PHACTR3: variants seen among roughly 807,000 people sequenced by gnomAD.
PHACTR3 encodes the protein protein phosphatase 1, regulatory subunit 123.
A neutral mutation model predicts 66.8 loss-of-function variants in PHACTR3; 16 were observed. The ratio of observed to expected loss-of-function variants is 0.24; its 90% CI spans 0.16 to 0.36. PHACTR3 has a LOEUF of 0.36. Among genes scored for constraint, PHACTR3 ranks in the 10% least tolerant of loss-of-function variants. The pLI is 1.00. For missense variants in PHACTR3, 647 were observed against 719.9 expected (o/e 0.90, Z 1.16); for synonymous variants, 323 against 292.1 (o/e 1.11, Z -1.08).
chr20:59,600,095 G>A (rs2146324156), upstream of PHACTR3, among the ~76,000 whole-genome samples: 1 of 152,190 alleles, frequency 6.6e-6, no homozygotes, highest in Middle Eastern at 3.4e-3. Context: ...GGGACTTCAG[G>A]GCTCCATGCT....
At chr20:59,634,499 G>A (rs1478148513) in intron 1 of PHACTR3, among the ~76,000 whole-genome samples, 1 of 152,190 alleles carries the variant, frequency 6.6e-6, no homozygotes, top group Non-Finnish European at 1.5e-5. Flanking sequence ...CATGGAATGA[G>A]GAGGAGCAAG....
chr20:59,668,304 A>G (rs1308305367), intron 1 of PHACTR3, among the ~76,000 whole-genome samples: 46 of 145,702 alleles, frequency 3.2e-4, no homozygotes, highest in African/African-American at 1.1e-3. Context: ...TTAGAGGTGG[A>G]CATATACGCC....
At chr20:59,705,066 C>G (rs190584451) in intron 1 of PHACTR3, among the ~76,000 whole-genome samples, 1 of 151,756 alleles carries the variant, frequency 6.6e-6, no homozygotes, top group South Asian at 2.1e-4. Flanking sequence ...AAGCAATTCT[C>G]CTGCCTCAGC....
Position 59,808,909 on chromosome 20 carries a change from C to T in PHACTR3, c.1328+2715C>T, listed in dbSNP as rs568068154. Among the ~76,000 whole-genome samples the T allele has an allele frequency of 1.3e-3, 195 of 152,286 alleles. 1 individual carries two copies. Among genetic ancestry groups the T allele is most frequent in the Non-Finnish European group, 2.1e-3 (143 of 68,030 alleles). On this transcript the variant is annotated intron_variant, in intron 8 of 12. Transcript: ENST00000371015. ...TGTGTGTAGTGTGTTAGCAGCATTCCTCCCGCCTTCCACTAGATACTAGTA... is the reference window on the plus strand; with the variant it reads ...TGTGTGTAGTGTGTTAGCAGCATTCTTCCCGCCTTCCACTAGATACTAGTA...
At chr20:59,589,653 G>T in intron 1 of PHACTR3, among the ~76,000 whole-genome samples, 1 of 152,222 alleles carries the variant, frequency 6.6e-6, no homozygotes, top group East Asian at 1.9e-4. Context: ...CACGGACTCT[G>T]CTGGGAAAAG....
chr20:59,777,972 G>T (rs1378941627), intron 7 of PHACTR3, among the ~76,000 whole-genome samples: 9 of 152,124 alleles, frequency 5.9e-5, no homozygotes, highest in South Asian at 2.1e-4. Context: ...TCCCATCTGC[G>T]CCCTGTGCTG....
chr20:59,648,374 G>T (rs1270938885), intron 1 of PHACTR3, among the ~76,000 whole-genome samples: 1 of 152,222 alleles, frequency 6.6e-6, no homozygotes, highest in African/African-American at 2.4e-5. Flanking sequence ...GAGGTGGTCA[G>T]CTTCTTTAAA....
At chr20:59,781,910 G>C (rs145632630) in intron 7 of PHACTR3, among the ~76,000 whole-genome samples, 2 of 152,134 alleles carry the variant, frequency 1.3e-5, no homozygotes, top group Non-Finnish European at 2.9e-5. Context: ...TCAGCTAGGC[G>C]GTACAAGAGT....
At chr20:59,624,212 T>A (rs941144079) in intron 1 of PHACTR3, among the ~76,000 whole-genome samples, 1 of 152,136 alleles carries the variant, frequency 6.6e-6, no homozygotes, top group Non-Finnish European at 1.5e-5. Flanking sequence ...CCCCAGGTCA[T>A]CTTTCAAGCC....
At chr20:59,658,132 C>T (rs926961574) in intron 1 of PHACTR3, among the ~76,000 whole-genome samples, 8 of 152,052 alleles carry the variant, frequency 5.3e-5, no homozygotes, top group African/African-American at 1.9e-4. Flanking sequence ...TTATAATTTT[C>T]TACTGTATAA....
chr20:59,692,690 C>T lies in PHACTR3; in HGVS notation c.119-50417C>T, dbSNP rs546757957. Among the ~76,000 whole-genome samples, 6 of 152,330 alleles carry T rather than the reference C, an allele frequency of 3.9e-5. No homozygotes were observed. The East Asian group carries it at 9.7e-4, about 25-fold the overall frequency. The stretch of plus-strand genomic sequence containing the variant: ...CAAAAGGCCTGGTTCCCTGCTAGAC[C>T]GTGCCTCCTCTTGGCTGGAGCTCTA... On this transcript the variant is annotated intron_variant, in intron 1 of 12. Coordinates refer to ENST00000371015, the MANE Select transcript of PHACTR3 (RefSeq NM_080672.5).
At chr20:59,756,425 T>C (rs917952982) in intron 4 of PHACTR3, among the ~76,000 whole-genome samples, 2 of 152,212 alleles carry the variant, frequency 1.3e-5, no homozygotes, top group Admixed American at 1.3e-4. Flanking sequence ...GACTTCCTTC[T>C]GCCACACAAG....
At chr20:59,842,872 G>T (rs1246198063) in intron 11 of PHACTR3, among the ~76,000 whole-genome samples, 1 of 152,048 alleles carries the variant, frequency 6.6e-6, no homozygotes, top group Non-Finnish European at 1.5e-5. Context: ...CATAATACTA[G>T]TCCTAGCCAG....
At chr20:59,690,084 T>C (rs1424205980) in intron 1 of PHACTR3, among the ~76,000 whole-genome samples, 1 of 152,210 alleles carries the variant, frequency 6.6e-6, no homozygotes, top group Non-Finnish European at 1.5e-5. Flanking sequence ...TGGTTGCTCA[T>C]GGCTTGTAAA....
At chr20:59,751,462 G>A (rs1263507520) in intron 3 of PHACTR3, among the ~76,000 whole-genome samples, 2 of 152,060 alleles carry the variant, frequency 1.3e-5, no homozygotes, top group Non-Finnish European at 2.9e-5. Context: ...CCCTGCACAC[G>A]CGCATGTATG....
chr20:59,608,408 T>C (rs1258129903), intron 1 of PHACTR3, among the ~76,000 whole-genome samples: 2 of 152,170 alleles, frequency 1.3e-5, no homozygotes, highest in African/African-American at 2.4e-5. Context: ...TCTTCCAAAA[T>C]AGAAATTTAA....
chr20:59,653,544 T>A (rs2035525853), intron 1 of PHACTR3, among the ~76,000 whole-genome samples: 1 of 152,144 alleles, frequency 6.6e-6, no homozygotes, highest in Non-Finnish European at 1.5e-5. Context: ...ATATCCATAG[T>A]GGGGTGGAAT....
intron 1 of PHACTR3, among the ~76,000 whole-genome samples, chr20:59,674,894 G>T: frequency 1.4e-5 from 1 of 70,570 alleles, no homozygotes; most frequent in South Asian, 7.3e-4. Flanking sequence ...TCCTGTCTCT[G>T]CCTTCTCCTG....
At chr20:59,722,501 AGTGAGGCCAGAGGCTCCTCAG>A (rs2038356562) in intron 1 of PHACTR3, among the ~76,000 whole-genome samples, 3 of 152,144 alleles carry the variant, frequency 2.0e-5, no homozygotes, top group Admixed American at 6.5e-5. Context: ...GAAGGCACCA[AGTGAGGCCAGAGGCTCCTCAG>A]GGGGTTTGGA....
Sources: gnomAD v4.1 joint callset for allele counts (sites outside exome capture counted in the v4.1 genomes callset) on GRCh38, gnomAD v4.1.1 for gene constraint, MANE v1.5 for transcripts, NCBI Gene and HGNC (gene_info 2026-07-23, HGNC 2026-07-21) for gene names.